DLGAP2: variants seen among roughly 807,000 people sequenced by gnomAD.
The protein encoded by DLGAP2 is DLG associated protein 2.
In DLGAP2, 26 loss-of-function variants were observed where a neutral mutation model predicts 100.3. That is an observed-to-expected ratio of 0.26 (90% CI 0.19 to 0.36). The LOEUF (loss-of-function observed/expected upper bound fraction) is 0.36, where lower values mean the gene tolerates loss of function less well. Among genes scored for constraint, DLGAP2 ranks in the 10% least tolerant of loss-of-function variants. The pLI is 1.00. For synonymous variants in DLGAP2, 886 were observed against 630.1 expected, an observed-to-expected ratio of 1.41 and a Z score of -6.08; for missense variants, 1,858 against 1,453.2, an observed-to-expected ratio of 1.28 and a Z score of -4.53.
intron 3 of DLGAP2, among the ~76,000 whole-genome samples, chr8:1,375,342 G>A (rs1466852024): frequency 2.3e-5 from 1 of 43,670 alleles, no homozygotes; most frequent in Non-Finnish European, 4.0e-5. Context: ...TTGGGTTAAC[G>A]ACACCTCTCC....
intron 2 of DLGAP2, among the ~76,000 whole-genome samples, chr8:1,041,267 A>G (rs188138836): frequency 6.6e-6 from 1 of 152,332 alleles, no homozygotes; most frequent in Non-Finnish European, 1.5e-5. Flanking sequence ...ACAGTCATAA[A>G]TGGTAACCAG....
intron 6 of DLGAP2, among the ~76,000 whole-genome samples, chr8:1,618,732 G>T (rs186219844): frequency 6.6e-6 from 1 of 152,192 alleles, no homozygotes; most frequent in African/African-American, 2.4e-5. Flanking sequence ...GATATTTGGG[G>T]CCAGACAATT....
chr8:1,178,235 A>G (rs770478613), intron 2 of DLGAP2, among the ~76,000 whole-genome samples: 1 of 152,230 alleles, frequency 6.6e-6, no homozygotes, highest in Non-Finnish European at 1.5e-5. Flanking sequence ...GAGATGATTT[A>G]TGGAGTTACC....
chr8:798,805 G>T (rs533877641), intron 1 of DLGAP2, among the ~76,000 whole-genome samples: 75 of 149,090 alleles, frequency 5.0e-4, no homozygotes, highest in Non-Finnish European at 8.3e-4. Context: ...TGCTGGCCAG[G>T]TGATGGGTGC....
intron 3 of DLGAP2, among the ~76,000 whole-genome samples, chr8:1,350,697 G>C (rs1801697684): frequency 9.3e-6 from 1 of 107,664 alleles, no homozygotes; most frequent in Non-Finnish European, 1.9e-5. Flanking sequence ...GAAAGGCCGT[G>C]CGGGTCCTGA....
intron 3 of DLGAP2, among the ~76,000 whole-genome samples, chr8:1,492,179 G>C (rs375955239): frequency 1.3e-5 from 2 of 152,142 alleles, no homozygotes; most frequent in African/African-American, 4.8e-5. Context: ...ATAAAATTAC[G>C]ATCATTTCTA....
chr8:980,478 T>C (rs1328947157), intron 2 of DLGAP2, among the ~76,000 whole-genome samples: 7 of 152,236 alleles, frequency 4.6e-5, no homozygotes, highest in Non-Finnish European at 1.0e-4. Flanking sequence ...TGTGTCATCC[T>C]TGTACCTGAG....
At position 1,226,863 on chromosome 8, in the gene DLGAP2, G is replaced by C. The variant is rs973193879; in HGVS notation, c.74-31988G>C. On this transcript the variant is annotated intron_variant, in intron 2 of 14. Transcript: ENST00000637795. The stretch of plus-strand genomic sequence containing the variant: ...AGCATAGCTATGAAAAGAGAGAGGA[G>C]ATAACAAATGTTAGTGCAGAGAAAA... Among the ~76,000 whole-genome samples, 3 of 152,102 alleles carry C rather than the reference G, an allele frequency of 2.0e-5. No homozygotes were observed. In the East Asian group the frequency reaches 5.8e-4, roughly 30 times the overall value.
intron 2 of DLGAP2, among the ~76,000 whole-genome samples, chr8:1,067,710 C>T (rs1408345372): frequency 6.6e-6 from 1 of 151,612 alleles, no homozygotes; most frequent in Non-Finnish European, 1.5e-5. Context: ...GCAGACAGTT[C>T]CCATATGGCC....
chr8:1,621,605 T>C (rs1185945587), intron 6 of DLGAP2: 1 of 152,008 alleles, frequency 6.6e-6, no homozygotes, highest in Non-Finnish European at 1.5e-5. Flanking sequence ...GGCCGGACTC[T>C]GCTCAGAAGC....
chr8:1,462,800 C>A (rs530201863), intron 3 of DLGAP2, among the ~76,000 whole-genome samples: 7 of 152,226 alleles, frequency 4.6e-5, no homozygotes, highest in Non-Finnish European at 1.0e-4. Flanking sequence ...CCGTGAGATA[C>A]AGCAGCCCTC....
chr8:804,499 G>A (rs1474900351), intron 1 of DLGAP2, among the ~76,000 whole-genome samples: 1 of 152,182 alleles, frequency 6.6e-6, no homozygotes, highest in Non-Finnish European at 1.5e-5. Context: ...GTTTCCGTGT[G>A]TTATCAGGTG....
intron 3 of DLGAP2, among the ~76,000 whole-genome samples, chr8:1,391,188 A>G (rs34861804): frequency 0.72 from 108,785 of 151,480 alleles, 39,091 homozygotes; most frequent in South Asian, 0.74. Context: ...AGATTAACTC[A>G]GAAGTTCCCA....
intron 3 of DLGAP2, among the ~76,000 whole-genome samples, chr8:1,457,882 A>T (rs1042728133): frequency 2.7e-5 from 4 of 150,846 alleles, no homozygotes; most frequent in African/African-American, 9.8e-5. Context: ...TTTCAAGGGC[A>T]TGCACATTTC....
chr8:901,375 C>A (rs1798247601), intron 1 of DLGAP2, among the ~76,000 whole-genome samples: 1 of 152,214 alleles, frequency 6.6e-6, no homozygotes, highest in South Asian at 2.1e-4. Context: ...ATTTGAATTT[C>A]TTCCAAAGAA....
At chr8:1,255,974 C>T (rs75883306) in intron 2 of DLGAP2, among the ~76,000 whole-genome samples, 3,423 of 98,982 alleles carry the variant, frequency 0.035, 432 homozygotes, top group African/African-American at 0.15. Context: ...TCTCATCCTG[C>T]GTGGGTGCTG....
chr8:817,159 A>G (rs1796497630), intron 1 of DLGAP2, among the ~76,000 whole-genome samples: 1 of 146,124 alleles, frequency 6.8e-6, no homozygotes, highest in Non-Finnish European at 1.5e-5. Flanking sequence ...AAAAAAAAAA[A>G]GAAAGTTATC....
chr8:1,246,120 A>G (rs1389572103), intron 2 of DLGAP2, among the ~76,000 whole-genome samples: 1 of 152,214 alleles, frequency 6.6e-6, no homozygotes, highest in Non-Finnish European at 1.5e-5. Flanking sequence ...TTTGTCATGA[A>G]TAGGATTCCC....
chr8:1,199,184 G>C (rs543026370), intron 2 of DLGAP2, among the ~76,000 whole-genome samples: 139 of 152,322 alleles, frequency 9.1e-4, no homozygotes, highest in Non-Finnish European at 1.4e-3. Flanking sequence ...CTGGGGTATT[G>C]ATGAATAGTG....
Sources: allele counts gnomAD v4.1 joint callset (sites outside exome capture counted in the v4.1 genomes callset), GRCh38; gene constraint gnomAD v4.1.1; transcripts MANE v1.5; gene names NCBI Gene and HGNC (gene_info 2026-07-23, HGNC 2026-07-21).